The following RNLS variants were observed in gnomAD, a reference collection of about 807,000 sequenced individuals.
RNLS encodes the protein renalase.
RNLS carries 39 observed loss-of-function variants against 39.8 expected under a neutral mutation model. The observed-to-expected ratio is 0.98, with a 90% CI of 0.76 to 1.28. The LOEUF (loss-of-function observed/expected upper bound fraction) is 1.28. RNLS is among the 50% of genes most tolerant of loss of function. RNLS has a pLI of 0.00. For synonymous variants in RNLS, 147 were observed against 150.7 expected (o/e 0.98, Z 0.18); for missense variants, 410 against 413.3 (o/e 0.99, Z 0.07).
At chr10:88,447,083 T>G (rs569427729) in intron 4 of RNLS, among the ~76,000 whole-genome samples, 5 of 152,206 alleles carry the variant, frequency 3.3e-5, no homozygotes, top group Admixed American at 1.3e-4. Flanking sequence ...ACTGGAAGCA[T>G]TCCCTTTGAA....
chr10:88,530,322 G>C (rs1243036475), intron 4 of RNLS, among the ~76,000 whole-genome samples: 1 of 152,208 alleles, frequency 6.6e-6, no homozygotes, highest in African/African-American at 2.4e-5. Context: ...ACTTTGATCT[G>C]TTGACAAGAT....
intron 4 of RNLS, among the ~76,000 whole-genome samples, chr10:88,520,244 G>C (rs991428969): frequency 3.9e-5 from 6 of 151,974 alleles, no homozygotes; most frequent in African/African-American, 1.4e-4. Flanking sequence ...GGTATTTTAA[G>C]GGGGAATGTC....
At chr10:88,466,166 C>A (rs1750274) in intron 4 of RNLS, among the ~76,000 whole-genome samples, 45,712 of 151,902 alleles carry the variant, frequency 0.3, 8,160 homozygotes, top group East Asian at 0.46. Context: ...GATTGTCCTG[C>A]CCAATATACC....
chr10:88,237,276 T>C, the RNLS span, among the ~76,000 whole-genome samples: 8,541 of 144,002 alleles, frequency 0.059, 302 homozygotes, highest in East Asian at 0.14. Flanking sequence ...CTTCTTTTTC[T>C]TTCATCCTTT....
chr10:88,539,446 A>G (rs1189610595), intron 4 of RNLS, among the ~76,000 whole-genome samples: 1 of 152,188 alleles, frequency 6.6e-6, no homozygotes, highest in Non-Finnish European at 1.5e-5. Flanking sequence ...ACTTTAAAGA[A>G]CAGAACCCAG....
chr10:88,390,772 C>G (rs1226602472), intron 4 of RNLS, among the ~76,000 whole-genome samples: 1 of 152,120 alleles, frequency 6.6e-6, no homozygotes, highest in Non-Finnish European at 1.5e-5. Flanking sequence ...GGACTGTTAA[C>G]TGACATTCAG....
Position 88,408,054 on chromosome 10 carries a change from T to C in RNLS, c.527-45329A>G, listed in dbSNP as rs144339028. Among the ~76,000 whole-genome samples the C allele has an allele frequency of 6.2e-3, 937 of 152,222 alleles. 5 individuals carry two copies. Among genetic ancestry groups the C allele is most frequent in the Non-Finnish European group, 9.8e-3 (669 of 68,008 alleles). On this transcript the variant is annotated intron_variant, in intron 4 of 6. Transcript: ENST00000331772. ...AAGAAAAAGCAAGTTCTTAAAGAGA[T>C]AGGGCACATATTATATACATGCAAT...
At chr10:88,376,187 G>A (rs920941706) in intron 4 of RNLS, among the ~76,000 whole-genome samples, 3 of 152,112 alleles carry the variant, frequency 2.0e-5, no homozygotes, top group African/African-American at 7.2e-5. Context: ...TCTTTAGGAA[G>A]ACTAAAGGGA....
chr10:88,395,415 T>C (rs948567025), intron 4 of RNLS, among the ~76,000 whole-genome samples: 1 of 151,676 alleles, frequency 6.6e-6, no homozygotes, highest in Non-Finnish European at 1.5e-5. Context: ...AAATATAAAA[T>C]AGAGCAAAAC....
chr10:88,245,230 AC>A, the RNLS span, among the ~76,000 whole-genome samples: 1 of 152,066 alleles, frequency 6.6e-6, no homozygotes, highest in Non-Finnish European at 1.5e-5. Context: ...ATAACATTTT[AC>A]CCCCCTCCCT....
chr10:88,252,147 T>C, the RNLS span, among the ~76,000 whole-genome samples: 1 of 152,166 alleles, frequency 6.6e-6, no homozygotes, highest in Non-Finnish European at 1.5e-5. Flanking sequence ...CTTCCTTCTT[T>C]ACTCCACCCC....
At chr10:88,273,004 G>T (rs1426938719), downstream of RNLS, among the ~76,000 whole-genome samples, 1 of 152,174 alleles carries the variant, frequency 6.6e-6, no homozygotes, top group East Asian at 1.9e-4. Context: ...CTCGGGTGAT[G>T]CTGTGGCCCA....
At chr10:88,466,942 ATTGTC>A (rs1442656977) in intron 4 of RNLS, among the ~76,000 whole-genome samples, 2 of 152,144 alleles carry the variant, frequency 1.3e-5, no homozygotes, top group Non-Finnish European at 2.9e-5. Context: ...TCAAGCTGAC[ATTGTC>A]TATGACCAAG....
chr10:88,208,952 T>A, the RNLS span, among the ~76,000 whole-genome samples: 10 of 152,086 alleles, frequency 6.6e-5, no homozygotes, highest in African/African-American at 2.4e-4. Flanking sequence ...GACAAAAGAG[T>A]GGTTTAAGTA....
the RNLS span, among the ~76,000 whole-genome samples, chr10:88,214,985 C>G: frequency 3.3e-5 from 5 of 152,054 alleles, no homozygotes; most frequent in Admixed American, 3.3e-4. Context: ...ATCCTTCTTT[C>G]TTCTCTTTGC....
intron 4 of RNLS, among the ~76,000 whole-genome samples, chr10:88,453,360 A>G (rs949842649): frequency 2.0e-5 from 3 of 152,216 alleles, no homozygotes; most frequent in Non-Finnish European, 2.9e-5. Flanking sequence ...CCCACATCCA[A>G]TGACTGGGTG....
At chr10:88,198,313 G>A in the RNLS span, among the ~76,000 whole-genome samples, 1 of 152,202 alleles carries the variant, frequency 6.6e-6, no homozygotes, top group Non-Finnish European at 1.5e-5. Context: ...CAAGCATGTG[G>A]CCTGTGAGCA....
chr10:88,259,657 T>C, the RNLS span, among the ~76,000 whole-genome samples: 6 of 152,284 alleles, frequency 3.9e-5, no homozygotes, highest in South Asian at 6.2e-4. Context: ...GTGTAGAACA[T>C]GCAAATTTTT....
chr10:88,269,897 G>C (rs1481481511), downstream of RNLS, among the ~76,000 whole-genome samples: 1 of 152,080 alleles, frequency 6.6e-6, no homozygotes, highest in Non-Finnish European at 1.5e-5. Context: ...GCCCAGGCTG[G>C]AGTGCAGTGG....
Sources: gnomAD v4.1 joint callset for allele counts (sites outside exome capture counted in the v4.1 genomes callset) on GRCh38, gnomAD v4.1.1 for gene constraint, MANE v1.5 for transcripts, NCBI Gene and HGNC (gene_info 2026-07-23, HGNC 2026-07-21) for gene names.